Variants in RFX4 observed in about 807,000 individuals in gnomAD.
RFX4 encodes the protein regulatory factor X4.
In RFX4, 10 loss-of-function variants were observed where a neutral mutation model predicts 95.0. That is an observed-to-expected ratio of 0.11 (90% CI 0.06 to 0.18). RFX4 has a LOEUF of 0.18. Among genes scored for constraint, RFX4 ranks in the 10% least tolerant of loss-of-function variants. The pLI, the probability that RFX4 is intolerant of heterozygous loss-of-function variation, is 1.00. For missense variants in RFX4, 640 were observed against 922.0 expected (o/e 0.69, Z 3.96); for synonymous variants, 321 against 340.7 (o/e 0.94, Z 0.64).
intron 8 of RFX4, among the ~76,000 whole-genome samples, chr12:106,702,995 C>T (rs1218703266): frequency 3.3e-5 from 5 of 152,208 alleles, no homozygotes; most frequent in Admixed American, 6.5e-5. Flanking sequence ...TAGATGTGAA[C>T]TTCTTTTGCA....
chr12:106,697,751 A>G (rs961812883), intron 8 of RFX4, among the ~76,000 whole-genome samples: 4 of 151,862 alleles, frequency 2.6e-5, no homozygotes, highest in Admixed American at 2.0e-4. Context: ...TGTGTGTGTG[A>G]TTTTCAATCT....
chr12:106,709,550 T>A (rs1337939738), intron 9 of RFX4, 120 bp downstream of exon 9: 3 of 656,912 alleles, frequency 4.6e-6, no homozygotes, highest in Non-Finnish European at 7.7e-6. Flanking sequence ...AAGCACCAGG[T>A]ATTATACTAA....
rs1329362206 is a variant in RFX4, at chr12:106,715,521, A to G, written c.1115A>G (p.Glu372Gly). Reference sequence around the variant, plus strand: ...TACACCATGGAAGACTCTCGCGATGAGCACCGGAAACTCATCACCCAATGT... The same window carrying G: ...TACACCATGGAAGACTCTCGCGATGGGCACCGGAAACTCATCACCCAATGT... ...TLYTMEDSRD[E>G]HRKLITQLYQ... Residue 372 changes from glutamate (E) to glycine (G), a missense_variant, in exon 11 of 18, where the codon GAG (glutamate) becomes GGG (glycine). Glu to Gly is a moderately conservative substitution (Grantham distance 98). This residue lies in a region of RFX4 where 72 missense variants were observed against 80.5 expected (regional missense o/e 0.89). Coordinates refer to ENST00000392842, the MANE Select transcript of RFX4 (RefSeq NM_213594.3). The G allele has an allele frequency of 6.2e-7, 1 of 1,614,186 alleles. No individual in the cohort carries two copies. Among genetic ancestry groups the G allele is most frequent in the South Asian group, 1.1e-5 (1 of 91,084 alleles).
chr12:106,711,611 A>G, intron 10 of RFX4, 100 bp downstream of exon 10: 1 of 912,334 alleles, frequency 1.1e-6, no homozygotes, highest in South Asian at 1.4e-5. Context: ...TCAGGTTAAC[A>G]GGGCACTCTC....
At chr12:106,681,383 A>G (rs554008505) in intron 4 of RFX4, among the ~76,000 whole-genome samples, 13 of 152,196 alleles carry the variant, frequency 8.5e-5, no homozygotes, top group African/African-American at 3.1e-4. Context: ...CCCTTGTGCT[A>G]CTCCACACTG....
chr12:106,743,692 C>T (rs899966272), intron 15 of RFX4, among the ~76,000 whole-genome samples: 9 of 152,278 alleles, frequency 5.9e-5, no homozygotes, highest in East Asian at 5.8e-4. Context: ...TGCTGTGCTC[C>T]GGGGCTCACA....
intron 1 of RFX4, among the ~76,000 whole-genome samples, chr12:106,600,931 TC>T (rs2039693660): frequency 6.6e-6 from 1 of 152,260 alleles, no homozygotes; most frequent in Non-Finnish European, 1.5e-5. Flanking sequence ...TCTGCTGTCT[TC>T]TTGCTAATTT....
chr12:106,702,068 C>A (rs987310445), intron 8 of RFX4, among the ~76,000 whole-genome samples: 6 of 151,990 alleles, frequency 3.9e-5, no homozygotes, highest in South Asian at 2.1e-4. Flanking sequence ...TTTATGTGTT[C>A]TTCTGAAATT....
intron 11 of RFX4, among the ~76,000 whole-genome samples, chr12:106,719,244 T>C (rs558736800): frequency 1.1e-4 from 16 of 152,236 alleles, no homozygotes; most frequent in Non-Finnish European, 8.8e-5. Context: ...GCAGAGAGAC[T>C]GGTTCACTTA....
At chr12:106,758,991 G>A (rs542270809) in intron 17 of RFX4, among the ~76,000 whole-genome samples, 1 of 152,284 alleles carries the variant, frequency 6.6e-6, no homozygotes, top group South Asian at 2.1e-4. Context: ...GCACCTGCTA[G>A]GTGCTAGGCA....
intron 7 of RFX4, among the ~76,000 whole-genome samples, chr12:106,691,111 C>A (rs979634463): frequency 2.0e-5 from 3 of 151,982 alleles, no homozygotes; most frequent in Non-Finnish European, 4.4e-5. Context: ...GGAAAGAGTG[C>A]CAGGCTTCAA....
chr12:106,754,306 A>G (rs757074834), intron 17 of RFX4, among the ~76,000 whole-genome samples: 2 of 152,208 alleles, frequency 1.3e-5, no homozygotes, highest in Non-Finnish European at 1.5e-5. Flanking sequence ...GATCCACTGC[A>G]TGACTGAGAA....
At chr12:106,697,378 A>T (rs2041900931) in intron 8 of RFX4, among the ~76,000 whole-genome samples, 1 of 151,362 alleles carries the variant, frequency 6.6e-6, no homozygotes, top group African/African-American at 2.4e-5. Context: ...GCATTTAGTC[A>T]ATTCTCTTGA....
intron 1 of RFX4, among the ~76,000 whole-genome samples, chr12:106,608,129 C>T (rs2039876871): frequency 6.6e-6 from 1 of 152,126 alleles, no homozygotes; most frequent in Admixed American, 6.5e-5. Context: ...GCGGAGGTTG[C>T]AGTGAGCCGA....
At chr12:106,590,503 C>T (rs1263554440) in intron 1 of RFX4, among the ~76,000 whole-genome samples, 1 of 152,232 alleles carries the variant, frequency 6.6e-6, no homozygotes, top group African/African-American at 2.4e-5. Flanking sequence ...CCCTAGGAAG[C>T]TGGGCTGGCA....
At chr12:106,745,600 C>T (rs186843470) in intron 15 of RFX4, among the ~76,000 whole-genome samples, 39 of 152,316 alleles carry the variant, frequency 2.6e-4, no homozygotes, top group African/African-American at 8.9e-4. Context: ...CTCTCATATG[C>T]TATTTGCAAA....
intron 1 of RFX4, among the ~76,000 whole-genome samples, chr12:106,594,178 A>G (rs2039583045): frequency 1.3e-5 from 2 of 152,236 alleles, no homozygotes; most frequent in African/African-American, 4.8e-5. Context: ...GCATTATTGG[A>G]CATCACAGAA....
chr12:106,702,560 A>C (rs1416717548), intron 8 of RFX4, among the ~76,000 whole-genome samples: 1 of 152,134 alleles, frequency 6.6e-6, no homozygotes, highest in Non-Finnish European at 1.5e-5. Flanking sequence ...TTGGAGCTGG[A>C]AGTGGGGATG....
chr12:106,714,134 ACAGTT>A (rs1433472691), intron 10 of RFX4, among the ~76,000 whole-genome samples: 1 of 151,446 alleles, frequency 6.6e-6, no homozygotes, highest in African/African-American at 2.4e-5. Context: ...TCTTTGGTAA[ACAGTT>A]CATTTCATTG....
Sources: allele counts gnomAD v4.1 joint callset (sites outside exome capture counted in the v4.1 genomes callset), GRCh38; gene constraint gnomAD v4.1.1; regional missense constraint gnomAD v4.1.1; transcripts MANE v1.5; gene names NCBI Gene and HGNC (gene_info 2026-07-23, HGNC 2026-07-21).